The following CLSTN2 variants were observed in gnomAD, a reference collection of about 807,000 sequenced individuals.
The protein encoded by CLSTN2 is calsyntenin 2, also known as calsyntenin-2.
CLSTN2 carries 48 observed loss-of-function variants against 101.2 expected under a neutral mutation model. The observed-to-expected ratio is 0.47, with a 90% CI of 0.38 to 0.60. The LOEUF (loss-of-function observed/expected upper bound fraction) is 0.60, where lower values mean the gene tolerates loss of function less well. Among genes scored for constraint, CLSTN2 ranks in the 20% least tolerant of loss-of-function variants. The pLI is 0.00. For synonymous variants in CLSTN2, 481 were observed against 463.6 expected (o/e 1.04, Z -0.48); for missense variants, 1,160 against 1,238.2 (o/e 0.94, Z 0.95).
chr3:140,019,170 TA>T (rs1377246297), intron 1 of CLSTN2, among the ~76,000 whole-genome samples: 1 of 152,198 alleles, frequency 6.6e-6, no homozygotes, highest in Non-Finnish European at 1.5e-5. Context: ...GTGTGACGGT[TA>T]ATTTTATGTG....
chr3:140,138,231 T>G (rs1014547483), intron 1 of CLSTN2, among the ~76,000 whole-genome samples: 1 of 152,144 alleles, frequency 6.6e-6, no homozygotes, highest in African/African-American at 2.4e-5. Flanking sequence ...GCTCATGTGC[T>G]CAGAAGAAGG....
At chr3:139,966,237 G>A (rs1576379236) in intron 1 of CLSTN2, among the ~76,000 whole-genome samples, 1 of 152,320 alleles carries the variant, frequency 6.6e-6, no homozygotes. Context: ...GTGCTCTGCA[G>A]CCAGGGACAT....
At chr3:140,063,544 C>A (rs994887421) in intron 1 of CLSTN2, among the ~76,000 whole-genome samples, 3 of 152,102 alleles carry the variant, frequency 2.0e-5, no homozygotes, top group East Asian at 3.9e-4. Context: ...GTAAAGTCAT[C>A]CTTATCTTAG....
At chr3:140,408,756 CCCA>C (rs1177731260) in intron 4 of CLSTN2, among the ~76,000 whole-genome samples, 6 of 152,164 alleles carry the variant, frequency 3.9e-5, no homozygotes. Flanking sequence ...ACATGTATGC[CCCA>C]AAATGGCCTG....
intron 8 of CLSTN2, 149 bp from the exon 9 acceptor site, chr3:140,532,175 A>G (rs1233618640): frequency 2.1e-6 from 1 of 478,228 alleles, no homozygotes; most frequent in Non-Finnish European, 3.6e-6. Flanking sequence ...CTATAACTTC[A>G]GTGTATGTCA....
chr3:139,953,282 T>G (rs951429209), intron 1 of CLSTN2, among the ~76,000 whole-genome samples: 2 of 152,136 alleles, frequency 1.3e-5, no homozygotes, highest in African/African-American at 4.8e-5. Context: ...CCTACAGGAT[T>G]GAGAAACTAC....
chr3:140,158,634 C>T (rs1469787951), intron 1 of CLSTN2, among the ~76,000 whole-genome samples: 2 of 151,794 alleles, frequency 1.3e-5, no homozygotes, highest in East Asian at 1.9e-4. Flanking sequence ...CAGTTTACAA[C>T]ACTATATCAA....
intron 2 of CLSTN2, among the ~76,000 whole-genome samples, chr3:140,342,591 C>T (rs557935763): frequency 1.6e-4 from 24 of 152,080 alleles, no homozygotes; most frequent in Non-Finnish European, 3.1e-4. Flanking sequence ...CATGTAACAA[C>T]GCATAATGAG....
intron 8 of CLSTN2, among the ~76,000 whole-genome samples, chr3:140,482,307 TGTG>T (rs1235328520): frequency 6.6e-6 from 1 of 152,150 alleles, no homozygotes; most frequent in Non-Finnish European, 1.5e-5. Context: ...CCAACTTGAT[TGTG>T]GTGGATAAGC....
chr3:140,171,260 T>G (rs545810586), intron 1 of CLSTN2, among the ~76,000 whole-genome samples: 97 of 152,252 alleles, frequency 6.4e-4, no homozygotes, highest in African/African-American at 2.1e-3. Context: ...ACTGTCCAAT[T>G]CACACCTGCA....
At chr3:139,977,321 G>A (rs1046723419) in intron 1 of CLSTN2, among the ~76,000 whole-genome samples, 1 of 152,064 alleles carries the variant, frequency 6.6e-6, no homozygotes, top group Non-Finnish European at 1.5e-5. Flanking sequence ...GGAAGGAGAG[G>A]CCCCAGAGAA....
intron 1 of CLSTN2, among the ~76,000 whole-genome samples, chr3:139,974,140 C>T (rs1036439342): frequency 2.0e-5 from 3 of 152,144 alleles, no homozygotes; most frequent in Admixed American, 6.5e-5. Context: ...TTTTGCAGTT[C>T]GACCCAAGCC....
intron 1 of CLSTN2, among the ~76,000 whole-genome samples, chr3:139,981,585 G>A (rs1935922974): frequency 6.6e-6 from 1 of 152,194 alleles, no homozygotes; most frequent in Non-Finnish European, 1.5e-5. Context: ...TATCTGATTA[G>A]AATTAAATGG....
chr3:140,117,511 G>A (rs1159733788), intron 1 of CLSTN2, among the ~76,000 whole-genome samples: 3 of 152,166 alleles, frequency 2.0e-5, no homozygotes, highest in Admixed American at 1.3e-4. Flanking sequence ...CCTATGACAT[G>A]TTCCCATGAC....
intron 1 of CLSTN2, among the ~76,000 whole-genome samples, chr3:139,969,647 G>T (rs1240787972): frequency 6.6e-6 from 1 of 152,170 alleles, no homozygotes; most frequent in Non-Finnish European, 1.5e-5. Flanking sequence ...AACTGCGTGA[G>T]TGTCTTCACT....
chr3:140,306,856 T>C (rs943967770), intron 2 of CLSTN2, among the ~76,000 whole-genome samples: 71 of 144,606 alleles, frequency 4.9e-4, no homozygotes, highest in Non-Finnish European at 8.2e-4. Context: ...TTTTTATTAT[T>C]ATTATTATTA....
intron 2 of CLSTN2, among the ~76,000 whole-genome samples, chr3:140,336,573 C>G (rs1214357169): frequency 1.3e-5 from 2 of 152,192 alleles, no homozygotes; most frequent in African/African-American, 4.8e-5. Context: ...GATTCTGGGG[C>G]TCCGTCTGTC....
At chr3:140,220,237 TG>T (rs2086255464) in intron 2 of CLSTN2, among the ~76,000 whole-genome samples, 1 of 152,232 alleles carries the variant, frequency 6.6e-6, no homozygotes, top group African/African-American at 2.4e-5. Flanking sequence ...CTGCTCACAG[TG>T]CCTCCTGGTG....
chr3:140,526,074 C>G (rs1441583008), intron 8 of CLSTN2, among the ~76,000 whole-genome samples: 1 of 152,062 alleles, frequency 6.6e-6, no homozygotes, highest in Non-Finnish European at 1.5e-5. Context: ...AAGTCCTAGT[C>G]AGAGCAATTA....
Sources: gnomAD v4.1 joint callset for allele counts (sites outside exome capture counted in the v4.1 genomes callset) on GRCh38, gnomAD v4.1.1 for gene constraint, MANE v1.5 for transcripts, NCBI Gene and HGNC (gene_info 2026-07-23, HGNC 2026-07-21) for gene names.